Variants in ANKS1B observed in about 807,000 individuals in gnomAD.
The protein encoded by ANKS1B is ankyrin repeat and sterile alpha motif domain-containing protein 1B.
ANKS1B carries 36 observed loss-of-function variants against 148.3 expected under a neutral mutation model. The ratio of observed to expected loss-of-function variants is 0.24; its 90% CI spans 0.19 to 0.32. ANKS1B has a LOEUF of 0.32. Ranked by LOEUF, ANKS1B falls within the 10% of genes least tolerant of loss-of-function variation. The pLI is 1.00. For synonymous variants in ANKS1B, 542 were observed against 560.8 expected (o/e 0.97, Z 0.47); for missense variants, 1,157 against 1,542.6 (o/e 0.75, Z 4.19).
intron 14 of ANKS1B, among the ~76,000 whole-genome samples, chr12:99,199,958 T>C (rs2081872821): frequency 6.6e-6 from 1 of 152,018 alleles, no homozygotes; most frequent in Admixed American, 6.6e-5. Flanking sequence ...AAGAGAGTGA[T>C]GAAAAAGGGC....
At chr12:98,735,306 T>C in exon 10 of ANKS1B, 1 of 403,640 alleles carries the variant, frequency 2.5e-6, no homozygotes, top group Non-Finnish European at 4.4e-6. Flanking sequence ...TATATGTCTC[T>C]TGTATGTTTT....
chr12:99,408,203 C>A lies in ANKS1B; in HGVS notation c.1576-8392G>T, dbSNP rs953238967. Among the ~76,000 whole-genome samples the A allele has an allele frequency of 1.4e-5, 2 of 145,512 alleles. 1 individual carries two copies. Among genetic ancestry groups the A allele is most frequent in the African/African-American group, 5.2e-5 (2 of 38,326 alleles). ...ACCCAGGAACAAATCTATACACTGACAGTGAATTCATTTTTGACAAAGGTG... is the reference window on the plus strand; with the variant it reads ...ACCCAGGAACAAATCTATACACTGAAAGTGAATTCATTTTTGACAAAGGTG... On this transcript the variant is annotated intron_variant, in intron 11 of 26. Coordinates refer to ENST00000683438, the MANE Select transcript of ANKS1B (RefSeq NM_001352186.2).
chr12:99,416,204 A>C (rs1011883911), intron 11 of ANKS1B, among the ~76,000 whole-genome samples: 7 of 152,170 alleles, frequency 4.6e-5, no homozygotes, highest in Non-Finnish European at 7.3e-5. Flanking sequence ...AGCTTGCTCC[A>C]TTTTATTGCT....
chr12:98,740,282 C>T (rs929188458), downstream of ANKS1B, among the ~76,000 whole-genome samples: 2 of 152,142 alleles, frequency 1.3e-5, no homozygotes, highest in Non-Finnish European at 2.9e-5. Flanking sequence ...TTCCAGTGTG[C>T]AGTGGAGGTT....
chr12:99,053,011 C>G, intron 17 of ANKS1B, 146 bp downstream of exon 17: 1 of 703,222 alleles, frequency 1.4e-6, no homozygotes, highest in Non-Finnish European at 2.1e-6. Flanking sequence ...AAGACAATGA[C>G]TCTGGAGCTT....
At chr12:99,536,524 T>C (rs1283829423) in intron 9 of ANKS1B, among the ~76,000 whole-genome samples, 3 of 152,208 alleles carry the variant, frequency 2.0e-5, no homozygotes, top group African/African-American at 7.2e-5. Flanking sequence ...TTGGGAATAG[T>C]TTTGTGAAAA....
chr12:98,735,246 T>C, exon 10 of ANKS1B: 1 of 399,338 alleles, frequency 2.5e-6, no homozygotes, highest in Admixed American at 4.4e-5. Context: ...GCTGTATTTT[T>C]TTGTATTATA....
At chr12:99,292,878 T>C (rs976062384) in intron 12 of ANKS1B, among the ~76,000 whole-genome samples, 10 of 152,006 alleles carry the variant, frequency 6.6e-5, no homozygotes, top group African/African-American at 2.4e-4. Context: ...TGTGGAGAAA[T>C]AGGAATGCTT....
chr12:99,721,694 C>T (rs2058100344), intron 8 of ANKS1B, among the ~76,000 whole-genome samples: 1 of 152,216 alleles, frequency 6.6e-6, no homozygotes, highest in Admixed American at 6.5e-5. Context: ...CTTTATTGCT[C>T]ACACAAAGCC....
intron 10 of ANKS1B, among the ~76,000 whole-genome samples, chr12:99,498,210 T>C (rs2096622326): frequency 6.6e-6 from 1 of 152,198 alleles, no homozygotes; most frequent in South Asian, 2.1e-4. Context: ...CAATCTATAC[T>C]CTATACTCCA....
At chr12:99,316,983 T>A (rs1472616603) in intron 12 of ANKS1B, among the ~76,000 whole-genome samples, 2 of 152,182 alleles carry the variant, frequency 1.3e-5, no homozygotes, top group African/African-American at 4.8e-5. Flanking sequence ...TGGTTGTAGA[T>A]GTGTGGTGTT....
At chr12:99,583,166 C>T (rs1952176839) in intron 9 of ANKS1B, among the ~76,000 whole-genome samples, 1 of 152,130 alleles carries the variant, frequency 6.6e-6, no homozygotes, top group Non-Finnish European at 1.5e-5. Context: ...ACATACAGTA[C>T]ACTCTATTGC....
At chr12:99,868,521 A>G (rs2091051536) in intron 1 of ANKS1B, among the ~76,000 whole-genome samples, 1 of 152,022 alleles carries the variant, frequency 6.6e-6, no homozygotes, top group Non-Finnish European at 1.5e-5. Flanking sequence ...AAGGACGACA[A>G]GAAAGAAATT....
chr12:99,978,902 C>G (rs898593255), intron 1 of ANKS1B, among the ~76,000 whole-genome samples: 5 of 152,108 alleles, frequency 3.3e-5, no homozygotes, highest in Admixed American at 6.6e-5. Flanking sequence ...AAACTCAACT[C>G]TTCGAGGCAT....
intron 19 of ANKS1B, among the ~76,000 whole-genome samples, chr12:98,821,276 T>A (rs1223894359): frequency 6.6e-6 from 1 of 152,240 alleles, no homozygotes; most frequent in African/African-American, 2.4e-5. Context: ...ATAGCAATTT[T>A]CCATCAGACA....
chr12:99,671,517 A>G (rs73143662), intron 8 of ANKS1B, among the ~76,000 whole-genome samples: 21,800 of 152,062 alleles, frequency 0.14, 2,240 homozygotes, highest in East Asian at 0.46. Context: ...TCATCTTTAT[A>G]TTGTATACAT....
intron 12 of ANKS1B, among the ~76,000 whole-genome samples, chr12:99,323,320 G>C (rs929334400): frequency 1.3e-5 from 2 of 152,216 alleles, no homozygotes; most frequent in East Asian, 3.9e-4. Flanking sequence ...TAATACCTAT[G>C]AGTAATTAAT....
intron 9 of ANKS1B, among the ~76,000 whole-genome samples, chr12:99,558,638 G>A (rs1039490318): frequency 5.3e-5 from 8 of 152,162 alleles, no homozygotes; most frequent in African/African-American, 1.9e-4. Context: ...CCCTGAGGAA[G>A]CACCTTGGTT....
intron 12 of ANKS1B, among the ~76,000 whole-genome samples, chr12:99,337,497 G>C (rs935102481): frequency 6.6e-6 from 1 of 151,978 alleles, no homozygotes; most frequent in Non-Finnish European, 1.5e-5. Flanking sequence ...ATGCTCACTG[G>C]TATCTTATTT....
Sources: allele counts gnomAD v4.1 joint callset (sites outside exome capture counted in the v4.1 genomes callset), GRCh38; gene constraint gnomAD v4.1.1; transcripts MANE v1.5; gene names NCBI Gene and HGNC (gene_info 2026-07-23, HGNC 2026-07-21).